The following VRK2 variants were observed in gnomAD, a reference collection of about 807,000 sequenced individuals.
VRK2 encodes the protein VRK serine/threonine kinase 2.
VRK2 carries 60 observed loss-of-function variants against 57.6 expected under a neutral mutation model. The ratio of observed to expected loss-of-function variants is 1.04; its 90% CI spans 0.85 to 1.29. The LOEUF is 1.29. VRK2 is among the 50% of genes most tolerant of loss of function. The pLI is 0.00. For missense variants in VRK2, 705 were observed against 588.1 expected (o/e 1.20, Z -2.06); for synonymous variants, 231 against 199.2 (o/e 1.16, Z -1.35).
chr2:57,952,878 G>A (rs1183754086), intron 1 of VRK2, among the ~76,000 whole-genome samples: 1 of 152,100 alleles, frequency 6.6e-6, no homozygotes, highest in Non-Finnish European at 1.5e-5. Context: ...GACTGTGGAT[G>A]TGCCACCCTC....
At chr2:58,122,656 C>G (rs986853435) in intron 7 of VRK2, among the ~76,000 whole-genome samples, 1 of 152,118 alleles carries the variant, frequency 6.6e-6, no homozygotes, top group African/African-American at 2.4e-5. Flanking sequence ...CAGTTCAAAC[C>G]CATGTTGTTC....
intron 4 of VRK2, among the ~76,000 whole-genome samples, chr2:58,085,747 C>T (rs189295916): frequency 1.2e-3 from 182 of 151,766 alleles, no homozygotes; most frequent in African/African-American, 4.1e-3. Flanking sequence ...ATCCATTAAA[C>T]TTGATTGTTT....
intron 1 of VRK2, among the ~76,000 whole-genome samples, chr2:57,996,475 G>A (rs1240195995): frequency 3.3e-5 from 5 of 152,184 alleles, no homozygotes; most frequent in Non-Finnish European, 5.9e-5. Flanking sequence ...TAAATTAGAA[G>A]GGAAATCTCT....
At chr2:57,995,225 G>T (rs1007834383) in intron 1 of VRK2, among the ~76,000 whole-genome samples, 1 of 152,068 alleles carries the variant, frequency 6.6e-6, no homozygotes, top group Non-Finnish European at 1.5e-5. Context: ...ACCCATCTAT[G>T]ATTTATATCA....
chr2:58,121,619 T>C (rs1460246922), intron 7 of VRK2, among the ~76,000 whole-genome samples: 1 of 152,172 alleles, frequency 6.6e-6, no homozygotes, highest in Non-Finnish European at 1.5e-5. Context: ...TATTTTAAAG[T>C]TTAAAATATC....
chr2:57,985,548 C>T (rs1313187696), intron 1 of VRK2, among the ~76,000 whole-genome samples: 1 of 151,946 alleles, frequency 6.6e-6, no homozygotes, highest in Non-Finnish European at 1.5e-5. Context: ...TATTATATTA[C>T]ATCCTTAAGT....
chr2:57,926,147 A>G (rs1474009851), intron 1 of VRK2, among the ~76,000 whole-genome samples: 1 of 151,876 alleles, frequency 6.6e-6, no homozygotes, highest in East Asian at 1.9e-4. Flanking sequence ...GAGCTAAAAT[A>G]TAGGGTATCT....
chr2:58,079,824 G>C (rs1670610396), intron 2 of VRK2, among the ~76,000 whole-genome samples: 1 of 151,888 alleles, frequency 6.6e-6, no homozygotes, highest in Admixed American at 6.6e-5. Context: ...CCATAATATG[G>C]TTGCTAGGTG....
chr2:57,928,078 C>A (rs775551920), intron 1 of VRK2, among the ~76,000 whole-genome samples: 11 of 152,186 alleles, frequency 7.2e-5, no homozygotes, highest in South Asian at 2.1e-4. Flanking sequence ...TTTCTCTAGG[C>A]TTGGGAAGTT....
At chr2:58,122,950 G>C (rs957308877) in intron 7 of VRK2, 151 bp from the exon 8 acceptor site, 7 of 897,848 alleles carry the variant, frequency 7.8e-6, no homozygotes, top group East Asian at 3.2e-5. Flanking sequence ...ATGGCCCCCA[G>C]TTGTACATAT....
At chr2:58,101,108 A>G (rs72951061) in intron 7 of VRK2, among the ~76,000 whole-genome samples, 2,949 of 151,794 alleles carry the variant, frequency 0.019, 111 homozygotes, top group African/African-American at 0.068. Flanking sequence ...AGAAAACAGC[A>G]TAATAATTAT....
At position 58,074,415 on chromosome 2, in the gene VRK2, A is replaced by G. The variant is rs76550133; in HGVS notation, c.137-9674A>G. Among the ~76,000 whole-genome samples, 399 of 151,926 alleles carry G rather than the reference A, an allele frequency of 2.6e-3. 3 individuals carry two copies. Among genetic ancestry groups the G allele is most frequent in the African/African-American group, 9.1e-3 (376 of 41,460 alleles). On this transcript the variant is annotated intron_variant, in intron 2 of 12. Transcript: ENST00000340157. Reference sequence around the variant, plus strand: ...CTCTGTTTTTAATTGAGCATTTTGTATGACTCCGTTTTCTCTCCTTTCTTG... The same window carrying G: ...CTCTGTTTTTAATTGAGCATTTTGTGTGACTCCGTTTTCTCTCCTTTCTTG...
chr2:57,978,692 C>G (rs1313424621), intron 1 of VRK2, among the ~76,000 whole-genome samples: 1 of 146,018 alleles, frequency 6.8e-6, no homozygotes, highest in Non-Finnish European at 1.5e-5. Flanking sequence ...TTCCTTCTTT[C>G]TTTCTTTCTT....
intron 7 of VRK2, among the ~76,000 whole-genome samples, chr2:58,117,266 T>G (rs929193670): frequency 7.2e-5 from 11 of 152,004 alleles, no homozygotes; most frequent in African/African-American, 2.7e-4. Context: ...TAAAGAAAAA[T>G]GAGCATTAAC....
At chr2:58,106,155 T>C (rs534152748) in intron 7 of VRK2, among the ~76,000 whole-genome samples, 1 of 152,024 alleles carries the variant, frequency 6.6e-6, no homozygotes, top group East Asian at 1.9e-4. Flanking sequence ...AGATTGGAAA[T>C]TGAGAGTATC....
chr2:58,151,201 C>T (rs1033739909), intron 12 of VRK2, among the ~76,000 whole-genome samples: 11 of 151,680 alleles, frequency 7.3e-5, no homozygotes, highest in Non-Finnish European at 1.5e-4. Context: ...GTGAATTTAT[C>T]CATTTGTCTC....
chr2:58,102,492 T>TA (rs570889511), intron 7 of VRK2, among the ~76,000 whole-genome samples: 16,523 of 105,216 alleles, frequency 0.16, 1,166 homozygotes, highest in African/African-American at 0.25. Context: ...CAAAAACAGT[T>TA]AAAAAAAAAA....
intron 7 of VRK2, among the ~76,000 whole-genome samples, chr2:58,117,332 T>G (rs1676666896): frequency 6.6e-6 from 1 of 152,046 alleles, no homozygotes; most frequent in Non-Finnish European, 1.5e-5. Context: ...CTGGGCAGGT[T>G]GGGGAGGGCT....
chr2:58,060,176 A>G (rs1467136847), intron 2 of VRK2, among the ~76,000 whole-genome samples: 1 of 151,828 alleles, frequency 6.6e-6, no homozygotes, highest in African/African-American at 2.4e-5. Flanking sequence ...TGAGAAGAAA[A>G]CAAAACAAAC....
Sources: allele counts gnomAD v4.1 joint callset (sites outside exome capture counted in the v4.1 genomes callset), GRCh38; gene constraint gnomAD v4.1.1; transcripts MANE v1.5; gene names NCBI Gene and HGNC (gene_info 2026-07-23, HGNC 2026-07-21).